The following JCAD variants were observed in gnomAD, a reference collection of about 807,000 sequenced individuals.
JCAD encodes junctional cadherin 5-associated protein.
JCAD carries 40 observed loss-of-function variants against 98.0 expected under a neutral mutation model. That is an observed-to-expected ratio of 0.41 (90% CI 0.32 to 0.53). JCAD has a LOEUF of 0.53. Ranked by LOEUF, JCAD falls within the 20% of genes least tolerant of loss-of-function variation. The pLI is 0.31. For missense variants in JCAD, 1,705 were observed against 1,738.1 expected, an observed-to-expected ratio of 0.98 and a Z score of 0.34; for synonymous variants, 691 against 682.3, an observed-to-expected ratio of 1.01 and a Z score of -0.20.
At chr10:30,061,716 A>G (rs1837703871), upstream of JCAD, among the ~76,000 whole-genome samples, 1 of 151,308 alleles carries the variant, frequency 6.6e-6, no homozygotes, top group African/African-American at 2.5e-5. Context: ...TAAAAGATAG[A>G]AAAGGAAATG....
Position 30,026,926 on chromosome 10 carries a change from T to G in JCAD, c.3222A>C (p.Ile1074=), listed in dbSNP as rs1433275477. ...GCAAGGACTCACCTGGGGGGATTTCTATTGTGCTTGCTTCACCCAAAGACC... is the reference window on the plus strand; with the variant it reads ...GCAAGGACTCACCTGGGGGGATTTCGATTGTGCTTGCTTCACCCAAAGACC... ...LEGSLGEAST[I]EIPPGESLQA... Residue 1074 remains isoleucine, a synonymous_variant, in exon 3 of 4, where the codon ATA becomes ATC. Transcript: ENST00000375377. 1.9e-6 allele frequency: 3 copies of G among 1,614,152 alleles called. No homozygotes were observed. The highest frequency in any genetic ancestry group is 2.2e-5 in the South Asian group (2 of 91,076).
intron 1 of JCAD, among the ~76,000 whole-genome samples, chr10:30,087,145 G>T (rs897576697): frequency 6.6e-6 from 1 of 152,114 alleles, no homozygotes; most frequent in African/African-American, 2.4e-5. Context: ...GCAACCGATT[G>T]TCAAGTCTGG....
At chr10:30,047,970 C>T (rs554797012) in intron 1 of JCAD, 99 bp from the exon 2 acceptor site, 257 of 658,334 alleles carry the variant, frequency 3.9e-4, no homozygotes, top group African/African-American at 1.6e-3. Context: ...CAGACCATGG[C>T]GATGGACACA....
intron 2 of JCAD, among the ~76,000 whole-genome samples, chr10:30,042,876 G>A (rs534985165): frequency 1.3e-5 from 2 of 152,274 alleles, no homozygotes; most frequent in East Asian, 1.9e-4. Flanking sequence ...CAGCCTGGGG[G>A]CAAGGAGGGC....
rs1390934909 is a variant in JCAD at position 30,028,750 on chromosome 10, T to G, written c.1398A>C (p.Gly466=). The change falls in exon 3 of 4, where the codon GGA becomes GGC. Residue 466 remains glycine, a synonymous_variant. Coordinates refer to ENST00000375377, the MANE Select transcript of JCAD (RefSeq NM_020848.4). ...SPVTAQEPAH[G]GMQPDGAIWN... The stretch of plus-strand genomic sequence containing the variant: ...AAATGGCACCATCAGGCTGCATTCC[T>G]CCATGAGCCGGCTCTTGAGCAGTGA... 6.2e-7 allele frequency: 1 copy of G among 1,614,166 alleles called. No individual in the cohort carries two copies. Among genetic ancestry groups the G allele is most frequent in the Admixed American group, 1.7e-5 (1 of 60,034 alleles).
intron 1 of JCAD, among the ~76,000 whole-genome samples, chr10:30,103,335 C>CA (rs1464015050): frequency 1.3e-5 from 2 of 151,864 alleles, no homozygotes; most frequent in Non-Finnish European, 2.9e-5. Context: ...ATAGGACTAC[C>CA]AAAAAACAGT....
chr10:30,113,548 CAAAAAAAAAAA>C (rs71023545), intron 1 of JCAD, among the ~76,000 whole-genome samples: 3 of 15,966 alleles, frequency 1.9e-4, no homozygotes, highest in South Asian at 4.9e-3. Context: ...GAGACACTGT[CAAAAAAAAAAA>C]AAAAAAAAAA....
At chr10:30,094,457 A>T (rs188439627) in intron 1 of JCAD, among the ~76,000 whole-genome samples, 60 of 152,242 alleles carry the variant, frequency 3.9e-4, no homozygotes, top group African/African-American at 1.4e-3. Context: ...CTCAAAACAA[A>T]AACAAAAACC....
In JCAD at chr10:30,028,684, T is replaced by C; in HGVS notation, c.1464A>G (p.Arg488=). The C allele has an allele frequency of 6.2e-7, 1 of 1,607,756 alleles. No homozygotes were observed. Among genetic ancestry groups the C allele is most frequent in the South Asian group, 1.1e-5 (1 of 90,368 alleles). The change falls in exon 3 of 4, where the codon AGA becomes AGG. Residue 488 remains arginine, a synonymous_variant. Transcript: ENST00000375377. ...GGCTGGAATCGGCCAAGACCAGGCC[T>C]CTCTCATCCCCCGACGGGGGTATTA... ...QSLIPPSGDE[R]GLVLADSSPR...
At chr10:30,030,616 AACTTT>A (rs1836971889) in intron 2 of JCAD, among the ~76,000 whole-genome samples, 1 of 152,102 alleles carries the variant, frequency 6.6e-6, no homozygotes, top group Non-Finnish European at 1.5e-5. Flanking sequence ...AGGGTTCTGA[AACTTT>A]AGTGAGAATC....
intron 1 of JCAD, among the ~76,000 whole-genome samples, chr10:30,075,069 C>T (rs1837959074): frequency 6.6e-6 from 1 of 152,330 alleles, no homozygotes; most frequent in Admixed American, 6.5e-5. Flanking sequence ...GGATTACAGG[C>T]ATGAGCCACC....
At chr10:30,023,883 T>C (rs775770106) in intron 3 of JCAD, among the ~76,000 whole-genome samples, 3 of 152,306 alleles carry the variant, frequency 2.0e-5, no homozygotes, top group Admixed American at 6.5e-5. Flanking sequence ...TTTTCTGAAC[T>C]GGAAATTTTG....
intron 1 of JCAD, among the ~76,000 whole-genome samples, chr10:30,078,542 G>A (rs1049160701): frequency 1.3e-5 from 2 of 152,116 alleles, no homozygotes; most frequent in African/African-American, 2.4e-5. Context: ...GGACAAAAGC[G>A]GCCATTGTGG....
chr10:30,111,025 T>C (rs1375043400), intron 1 of JCAD, among the ~76,000 whole-genome samples: 1 of 152,076 alleles, frequency 6.6e-6, no homozygotes, highest in African/African-American at 2.4e-5. Flanking sequence ...ATGGGGCAGC[T>C]GATGTATAGA....
chr10:30,088,384 T>G (rs1174325178), intron 1 of JCAD, among the ~76,000 whole-genome samples: 1 of 152,114 alleles, frequency 6.6e-6, no homozygotes, highest in Non-Finnish European at 1.5e-5. Context: ...CAGAGCCTGA[T>G]GGTCTCAGCC....
chr10:30,085,422 T>C (rs61841138), intron 1 of JCAD, among the ~76,000 whole-genome samples: 1 of 152,180 alleles, frequency 6.6e-6, no homozygotes, highest in African/African-American at 2.4e-5. Flanking sequence ...TTCCAATAAA[T>C]TTGTCATTGA....
At chr10:30,089,978 C>A (rs1838235191) in intron 1 of JCAD, among the ~76,000 whole-genome samples, 1 of 152,172 alleles carries the variant, frequency 6.6e-6, no homozygotes, top group Non-Finnish European at 1.5e-5. Context: ...CATACATTCC[C>A]TGGTTAACTT....
chr10:30,062,677 C>T (rs148846873), upstream of JCAD, among the ~76,000 whole-genome samples: 749 of 152,184 alleles, frequency 4.9e-3, 10 homozygotes, highest in South Asian at 0.051. Context: ...AGCAAAGGCG[C>T]GCCTTACGTG....
upstream of JCAD, among the ~76,000 whole-genome samples, chr10:30,060,848 A>C (rs765837316): frequency 6.6e-6 from 1 of 152,196 alleles, no homozygotes; most frequent in Non-Finnish European, 1.5e-5. Context: ...CCTCGCTCTG[A>C]ACCACCAGAG....
Sources: allele counts gnomAD v4.1 joint callset (sites outside exome capture counted in the v4.1 genomes callset), GRCh38; gene constraint gnomAD v4.1.1; transcripts MANE v1.5; gene names NCBI Gene and HGNC (gene_info 2026-07-23, HGNC 2026-07-21).